Variants in CCKBR observed in about 807,000 individuals in gnomAD.
CCKBR encodes cholecystokinin B receptor.
CCKBR carries 33 observed loss-of-function variants against 34.6 expected under a neutral mutation model. The ratio of observed to expected loss-of-function variants is 0.95; its 90% CI spans 0.72 to 1.27. The LOEUF is 1.27. CCKBR is among the 50% of genes most tolerant of loss of function. The pLI is 0.00. For synonymous variants in CCKBR, 269 were observed against 267.5 expected (o/e 1.01, Z -0.06); for missense variants, 652 against 617.4 (o/e 1.06, Z -0.59).
intron 1 of CCKBR, among the ~76,000 whole-genome samples, chr11:6,261,297 C>T (rs968583547): frequency 1.3e-5 from 2 of 151,694 alleles, no homozygotes; most frequent in South Asian, 2.1e-4. Flanking sequence ...AGAGCCTTGA[C>T]AGGGAAAAGA....
At chr11:6,261,090 G>A (rs575964603) in intron 1 of CCKBR, among the ~76,000 whole-genome samples, 6 of 152,194 alleles carry the variant, frequency 3.9e-5, no homozygotes, top group African/African-American at 1.2e-4. Context: ...TTTACCCCAC[G>A]AAATAATCTA....
Position 6,271,495 on chromosome 11 carries a change from G to C in CCKBR, c.1296G>C (p.Ser432=), listed in dbSNP as rs200083878. ...DEDPPTPSIA[S]LSRLSYTTIS... is the part of the protein sequence containing the mutation. ...ACCCTCCCACTCCCTCCATTGCTTC[G>C]CTGTCCAGGCTTAGCTACACCACCA... The change falls in exon 5 of 5, where the codon TCG becomes TCC. Residue 432 remains serine, a synonymous_variant. Transcript: ENST00000334619. 31 of 1,610,326 alleles carry C rather than the reference G, an allele frequency of 1.9e-5. No homozygotes were observed. Among genetic ancestry groups the C allele is most frequent in the East Asian group, 2.2e-5 (1 of 44,850 alleles).
At chr11:6,264,096 G>A (rs1382861059) in intron 1 of CCKBR, among the ~76,000 whole-genome samples, 1 of 152,176 alleles carries the variant, frequency 6.6e-6, no homozygotes, top group Non-Finnish European at 1.5e-5. Flanking sequence ...CTCCAGATAT[G>A]TCCCACAGAA....
At position 6,271,108 on chromosome 11, in the gene CCKBR, C is replaced by A; in HGVS notation, c.909C>A (p.Ala303=). 1.2e-6 allele frequency: 2 copies of A among 1,614,100 alleles called. No individual in the cohort carries two copies. The highest frequency in any genetic ancestry group is 1.7e-6 in the Non-Finnish European group (2 of 1,179,992). ...TGCAACTTCCACGTTCCCGGCCTGC[C>A]CTGGAGCTGACGGCGCTGACGGCTC... The part of the protein sequence containing the change: ...CYVQLPRSRP[A]LELTALTAPG... The change falls in exon 5 of 5, where the codon GCC becomes GCA. Residue 303 remains alanine (A), a synonymous_variant. Transcript: ENST00000334619.
At chr11:6,262,142 ATGT>A (rs1324355210) in intron 1 of CCKBR, among the ~76,000 whole-genome samples, 1 of 152,244 alleles carries the variant, frequency 6.6e-6, no homozygotes, top group African/African-American at 2.4e-5. Context: ...TTGAGTTTAA[ATGT>A]TAGTGGGGCA....
Position 6,270,203 on chromosome 11 carries a change from C to G in CCKBR, c.519C>G (p.Arg173=). The part of the protein sequence containing the change: ...RVWQTRSHAA[R]VIVATWLLSG... Reference sequence around the variant, plus strand: ...GGCAGACGCGCTCCCACGCGGCTCGCGTGATTGTAGCCACGTGGCTGCTGT... The same window carrying G: ...GGCAGACGCGCTCCCACGCGGCTCGGGTGATTGTAGCCACGTGGCTGCTGT... The change falls in exon 3 of 5, where the codon CGC becomes CGG. Residue 173 remains arginine, a synonymous_variant. Transcript: ENST00000334619. The G allele has an allele frequency of 1.2e-6, 2 of 1,613,516 alleles. No individual in the cohort carries two copies. The highest frequency in any genetic ancestry group is 1.1e-5 in the South Asian group (1 of 91,084).
At chr11:6,269,381 GAC>G (rs1032873428) in intron 1 of CCKBR, among the ~76,000 whole-genome samples, 2 of 152,100 alleles carry the variant, frequency 1.3e-5, no homozygotes, top group African/African-American at 4.8e-5. Context: ...TAAATGAGAA[GAC>G]ACAAATATCC....
rs745396843 is a variant in CCKBR, at chr11:6,271,295, G to T, written c.1096G>T (p.Ala366Ser). 1.9e-6 allele frequency: 3 copies of T among 1,614,220 alleles called. No homozygotes were observed. The highest frequency in any genetic ancestry group is 1.1e-5 in the South Asian group (1 of 91,082). Residue 366 changes from alanine (A) to serine (S), a missense_variant, in exon 5 of 5, where the codon GCA becomes TCA. Transcript: ENST00000334619. ...RAFDGPGAHR[A>S]LSGAPISFIH... ...CTTTGATGGCCCGGGTGCACACCGA[G>T]CACTCTCGGGTGCTCCTATCTCCTT...
intron 1 of CCKBR, chr11:6,264,504 G>A: frequency 2.9e-6 from 2 of 697,990 alleles, no homozygotes; most frequent in South Asian, 3.0e-5. Context: ...CTAAACACCA[G>A]GAGAAGAACT....
At chr11:6,260,161 A>G (rs1490463520) in intron 1 of CCKBR, 82 bp downstream of exon 1, 2 of 1,041,014 alleles carry the variant, frequency 1.9e-6, no homozygotes, top group Admixed American at 3.0e-5. Context: ...AACGAGCTCC[A>G]CACTACCTTC....
chr11:6,259,999 C>CG lies in CCKBR; in HGVS notation c.76dup (p.Ala26GlyfsTer32). On this transcript the variant is annotated frameshift_variant, in exon 1 of 5. Coordinates refer to ENST00000334619, the MANE Select transcript of CCKBR (RefSeq NM_176875.4). LOFTEE classifies it high-confidence loss of function. ...GGGCCGGGGGCTTCCCTGTGCCGCC[C>CG]GGGGGCGCCTCTCCTCAACAGCAGC... The CG allele has an allele frequency of 1.3e-6, 2 of 1,587,148 alleles. No homozygotes were observed. The highest frequency in any genetic ancestry group is 1.7e-6 in the Non-Finnish European group (2 of 1,168,618).
Position 6,270,632 on chromosome 11 carries a change from T to C in CCKBR, c.654-14T>C. On this transcript the variant is annotated splice_polypyrimidine_tract_variant and intron_variant, in intron 3 of 4. Transcript: ENST00000334619. The stretch of plus-strand genomic sequence containing the variant: ...TGGACAGAAACCCGAGTGATCTGTC[T>C]GTGTTGCCTTCAGGTCCGTACTGCT... 6.3e-7 allele frequency: 1 copy of C among 1,589,226 alleles called. No individual in the cohort carries two copies. The highest frequency in any genetic ancestry group is 2.3e-5 in the East Asian group (1 of 44,434).
At chr11:6,269,305 T>A (rs756914736) in intron 1 of CCKBR, among the ~76,000 whole-genome samples, 1 of 152,176 alleles carries the variant, frequency 6.6e-6, no homozygotes, top group Non-Finnish European at 1.5e-5. Flanking sequence ...AGTTAAAGAT[T>A]AGTGTACTTG....
intron 1 of CCKBR, among the ~76,000 whole-genome samples, chr11:6,261,451 A>AT (rs1332760850): frequency 0.046 from 2,801 of 61,474 alleles, 181 homozygotes; most frequent in Middle Eastern, 0.085. Flanking sequence ...AAAAAAAAAA[A>AT]AAAATATATA....
rs756454619 is a variant in CCKBR, at chr11:6,270,635, G to A, written c.654-11G>A. Reference sequence around the variant, plus strand: ...ACAGAAACCCGAGTGATCTGTCTGTGTTGCCTTCAGGTCCGTACTGCTGCT... The same window carrying A: ...ACAGAAACCCGAGTGATCTGTCTGTATTGCCTTCAGGTCCGTACTGCTGCT... On this transcript the variant is annotated splice_polypyrimidine_tract_variant and intron_variant, in intron 3 of 4. Transcript: ENST00000334619. 1.9e-6 allele frequency: 3 copies of A among 1,591,730 alleles called. No homozygotes were observed. The Admixed American group carries it at 5.1e-5, about 27-fold the overall frequency.
Position 6,270,336 on chromosome 11 carries a change from T to G in CCKBR, c.652T>G (p.Trp218Gly). 6.2e-7 allele frequency: 1 copy of G among 1,609,674 alleles called. No homozygotes were observed. The highest frequency in any genetic ancestry group is 8.5e-7 in the Non-Finnish European group (1 of 1,177,628). Residue 218 changes from tryptophan (W) to glycine (G), a missense_variant and splice_region_variant, in exon 3 of 5, where the codon TGG (tryptophan) becomes GGG (glycine). By Grantham distance (184) the Trp-to-Gly change is radical (BLOSUM62 -2). Coordinates refer to ENST00000334619, the MANE Select transcript of CCKBR (RefSeq NM_176875.4). ...RWPSARVRQT[W>G]SVLLLLLLFF... is the part of the protein sequence containing the mutation. ...GCCCAGTGCGCGGGTCCGCCAGACC[T>G]GGTGAGCTTGCCCATAAACTATCCT...
chr11:6,271,351 T>G lies in CCKBR; in HGVS notation c.1152T>G (p.Cys384Trp). ...ACTTGCTGAGCTACGCCTCGGCCTG[T>G]GTCAACCCCCTGGTCTACTGCTTCA... ...FIHLLSYASA[C>W]VNPLVYCFMH... The change falls in exon 5 of 5, where the codon TGT becomes TGG. Residue 384 changes from cysteine (C) to tryptophan (W), a missense_variant. Cys to Trp is a radical substitution (Grantham distance 215). Coordinates refer to ENST00000334619, the MANE Select transcript of CCKBR (RefSeq NM_176875.4). 6.2e-7 allele frequency: 1 copy of G among 1,614,212 alleles called. No individual in the cohort carries two copies. The highest frequency in any genetic ancestry group is 8.5e-7 in the Non-Finnish European group (1 of 1,180,018).
At chr11:6,264,034 T>C (rs1030542418) in intron 1 of CCKBR, among the ~76,000 whole-genome samples, 1 of 152,258 alleles carries the variant, frequency 6.6e-6, no homozygotes, top group Admixed American at 6.5e-5. Flanking sequence ...TAAACTTAAA[T>C]GTAAGCCATA....
Position 6,271,302 on chromosome 11 carries a change from C to G in CCKBR, c.1103C>G (p.Ser368Trp), listed in dbSNP as rs771833429. 1.9e-5 allele frequency: 30 copies of G among 1,614,186 alleles called. No individual in the cohort carries two copies. The highest frequency in any genetic ancestry group is 2.4e-5 in the Non-Finnish European group (28 of 1,180,000). ...FDGPGAHRAL[S>W]GAPISFIHLL... ...GGCCCGGGTGCACACCGAGCACTCT[C>G]GGGTGCTCCTATCTCCTTCATTCAC... Residue 368 changes from serine to tryptophan, a missense_variant, in exon 5 of 5, where the codon TCG becomes TGG. By Grantham distance (177) the Ser-to-Trp change is radical. Coordinates refer to ENST00000334619, the MANE Select transcript of CCKBR (RefSeq NM_176875.4).
Sources: allele counts gnomAD v4.1 joint callset (sites outside exome capture counted in the v4.1 genomes callset), GRCh38; gene constraint gnomAD v4.1.1; transcripts MANE v1.5; gene names NCBI Gene and HGNC (gene_info 2026-07-23, HGNC 2026-07-21).